The following INPP5F variants were observed in gnomAD, a reference collection of about 807,000 sequenced individuals.
INPP5F encodes the protein inositol polyphosphate-5-phosphatase F, also known as phosphatidylinositide 4-phosphatase SAC2.
INPP5F carries 97 observed loss-of-function variants against 137.2 expected under a neutral mutation model. The observed-to-expected ratio is 0.71, with a 90% confidence interval of 0.60 to 0.84. INPP5F has a LOEUF of 0.84. INPP5F is among the 40% of genes least tolerant of loss of function. The pLI is 0.00. For synonymous variants in INPP5F, 504 were observed against 476.9 expected, an observed-to-expected ratio of 1.06 and a Z score of -0.74; for missense variants, 1,271 against 1,371.9, an observed-to-expected ratio of 0.93 and a Z score of 1.16.
At chr10:119,826,118 A>G in intron 19 of INPP5F, 1 of 396,946 alleles carries the variant, frequency 2.5e-6, no homozygotes, top group Middle Eastern at 6.3e-4. Context: ...AACCTTAGTT[A>G]AGGTGCTGCA....
chr10:119,774,261 CAAAAA>C (rs572329987), intron 2 of INPP5F, among the ~76,000 whole-genome samples: 6 of 82,132 alleles, frequency 7.3e-5, no homozygotes, highest in Non-Finnish European at 1.2e-4. Context: ...ACTCAGTCTC[CAAAAA>C]AAAAAAAAAA....
intron 1 of INPP5F, among the ~76,000 whole-genome samples, chr10:119,740,511 A>T (rs34433469): frequency 0.042 from 6,354 of 152,306 alleles, 238 homozygotes; most frequent in South Asian, 0.22. Flanking sequence ...TAATAATTGA[A>T]AAATGTATTG....
chr10:119,727,151 G>A (rs569955681), intron 1 of INPP5F, among the ~76,000 whole-genome samples: 2 of 152,222 alleles, frequency 1.3e-5, no homozygotes, highest in Non-Finnish European at 2.9e-5. Flanking sequence ...GTAAGATGGG[G>A]CTGGGTGGCA....
At chr10:119,778,934 T>C (rs1386852399) in intron 2 of INPP5F, among the ~76,000 whole-genome samples, 1 of 152,170 alleles carries the variant, frequency 6.6e-6, no homozygotes, top group East Asian at 1.9e-4. Context: ...AGAGTCAGAA[T>C]TCTACTCAGA....
chr10:119,809,461 G>A (rs535812117), intron 13 of INPP5F, among the ~76,000 whole-genome samples: 1 of 151,970 alleles, frequency 6.6e-6, no homozygotes, highest in Non-Finnish European at 1.5e-5. Flanking sequence ...GAAATAGAGG[G>A]GTTGGGATGG....
At chr10:119,806,259 C>A in intron 11 of INPP5F, 101 bp from the exon 12 acceptor site, 2 of 762,682 alleles carry the variant, frequency 2.6e-6, no homozygotes, top group Non-Finnish European at 4.0e-6. Context: ...AAGCAAATTA[C>A]AGCCAGTGCT....
At chr10:119,796,645 A>G (rs2134222185) in intron 6 of INPP5F, 70 bp from the exon 7 acceptor site, 2 of 1,116,596 alleles carry the variant, frequency 1.8e-6, no homozygotes, top group East Asian at 2.3e-5. Flanking sequence ...TGTGCTGACT[A>G]CTGTTTGGGT....
chr10:119,765,640 C>T (rs910318478), intron 2 of INPP5F, among the ~76,000 whole-genome samples: 6 of 150,518 alleles, frequency 4.0e-5, no homozygotes, highest in Non-Finnish European at 8.9e-5. Context: ...TCTCGGCCTC[C>T]CAAAGTGCTG....
intron 16 of INPP5F, 151 bp downstream of exon 16, chr10:119,821,068 T>TA: frequency 3.3e-6 from 2 of 598,052 alleles, no homozygotes; most frequent in South Asian, 2.2e-5. Flanking sequence ...ATATAACTGT[T>TA]ACGTCATTCT....
chr10:119,797,015 A>T (rs1224986066), intron 7 of INPP5F, 102 bp downstream of exon 7: 30 of 1,177,632 alleles, frequency 2.5e-5, no homozygotes, highest in Non-Finnish European at 3.7e-5. Context: ...TTGGGAACAC[A>T]GTTGGCTTCA....
At chr10:119,785,284 C>CTTTTTTTTTTTTTTTTTT in intron 3 of INPP5F, among the ~76,000 whole-genome samples, 1 of 81,608 alleles carries the variant, frequency 1.2e-5, no homozygotes, top group African/African-American at 4.3e-5. Flanking sequence ...AACTGCCAGA[C>CTTTTTTTTTTTTTTTTTT]TGTTTTTTTT....
At chr10:119,791,472 A>C (rs1171468078) in intron 3 of INPP5F, 45 bp from the exon 4 acceptor site, 10 of 1,487,888 alleles carry the variant, frequency 6.7e-6, no homozygotes, top group African/African-American at 1.4e-5. Flanking sequence ...AACATTTAAC[A>C]AACAGGTATT....
chr10:119,749,575 G>A (rs924987519), intron 1 of INPP5F, among the ~76,000 whole-genome samples: 2 of 152,144 alleles, frequency 1.3e-5, no homozygotes, highest in African/African-American at 4.8e-5. Flanking sequence ...TAACAGAAAG[G>A]TTTAGAGCAG....
intron 2 of INPP5F, among the ~76,000 whole-genome samples, chr10:119,765,456 C>T (rs972380477): frequency 2.6e-5 from 4 of 151,844 alleles, no homozygotes; most frequent in Non-Finnish European, 4.4e-5. Flanking sequence ...ACTACAGCCT[C>T]GACTGCCTAG....
intron 15 of INPP5F, among the ~76,000 whole-genome samples, chr10:119,820,488 C>T (rs1157401789): frequency 6.6e-6 from 1 of 151,120 alleles, no homozygotes; most frequent in Non-Finnish European, 1.5e-5. Context: ...GATGATTTCT[C>T]CCTTCTCACT....
At chr10:119,769,691 A>T (rs1849280681) in intron 2 of INPP5F, among the ~76,000 whole-genome samples, 2 of 152,190 alleles carry the variant, frequency 1.3e-5, no homozygotes, top group African/African-American at 2.4e-5. Context: ...GCTCTTGGAC[A>T]TCAGAGCTCC....
At chr10:119,814,113 C>T (rs919633246) in intron 15 of INPP5F, among the ~76,000 whole-genome samples, 6 of 152,016 alleles carry the variant, frequency 3.9e-5, no homozygotes, top group South Asian at 2.1e-4. Flanking sequence ...TTCCTAGGGC[C>T]GGGCACGGTG....
chr10:119,760,675 A>G (rs760092527), intron 2 of INPP5F, among the ~76,000 whole-genome samples: 7 of 152,276 alleles, frequency 4.6e-5, no homozygotes, highest in Non-Finnish European at 8.8e-5. Flanking sequence ...AGGCTTGGCC[A>G]GTAACAACCA....
intron 9 of INPP5F, among the ~76,000 whole-genome samples, chr10:119,803,565 A>G (rs1850666126): frequency 6.6e-6 from 1 of 152,226 alleles, no homozygotes; most frequent in Non-Finnish European, 1.5e-5. Flanking sequence ...CCAATGGGAC[A>G]AGTCCCTTTT....
Sources: gnomAD v4.1 joint callset for allele counts (sites outside exome capture counted in the v4.1 genomes callset) on GRCh38, gnomAD v4.1.1 for gene constraint, MANE v1.5 for transcripts, NCBI Gene and HGNC (gene_info 2026-07-23, HGNC 2026-07-21) for gene names.